The following CLPTM1L variants were observed in gnomAD, a reference collection of about 807,000 sequenced individuals.
CLPTM1L encodes the protein lipid scramblase CLPTM1L.
Under a neutral mutation model 70.9 loss-of-function variants are expected in CLPTM1L, and 38 were observed. The ratio of observed to expected loss-of-function variants is 0.54; its 90% CI spans 0.41 to 0.70. The LOEUF is 0.70. Among genes scored for constraint, CLPTM1L ranks in the 30% least tolerant of loss-of-function variants. CLPTM1L has a pLI of 0.00. For missense variants in CLPTM1L, 652 were observed against 705.9 expected, an observed-to-expected ratio of 0.92 and a Z score of 0.87; for synonymous variants, 339 against 299.9, an observed-to-expected ratio of 1.13 and a Z score of -1.35.
rs1318993026 is a variant in CLPTM1L, at chr5:1,324,833, A to G, written c.1147-20T>C. On this transcript the variant is annotated intron_variant, in intron 10 of 16. Coordinates refer to ENST00000320895, the MANE Select transcript of CLPTM1L (RefSeq NM_030782.5). ...GCCAAACTGTTGTGAAATTCAACAC[A>G]GTGATATTAATAGACTCAGGGAGGA... The G allele has an allele frequency of 1.9e-6, 3 of 1,610,180 alleles. No homozygotes were observed. The highest frequency in any genetic ancestry group is 2.2e-5 in the East Asian group (1 of 44,876).
intron 16 of CLPTM1L, 44 bp downstream of exon 16, chr5:1,320,572 C>T: frequency 8.9e-7 from 1 of 1,119,688 alleles, no homozygotes; most frequent in Non-Finnish European, 1.3e-6. Context: ...AGCAGCCACG[C>T]CGCTGAGACG....
At chr5:1,325,330 G>A (rs1240425048) in intron 10 of CLPTM1L, 1 of 254,042 alleles carries the variant, frequency 3.9e-6, no homozygotes, top group East Asian at 8.5e-5. Flanking sequence ...CATCTGCCTA[G>A]GGGCCTTATG....
At chr5:1,337,721 A>G (rs375194451) in intron 5 of CLPTM1L, among the ~76,000 whole-genome samples, 183 bp downstream of exon 5, 88 of 152,328 alleles carry the variant, frequency 5.8e-4, no homozygotes, top group African/African-American at 2.0e-3. Context: ...CAAACCCAGC[A>G]CACCACCAGG....
intron 9 of CLPTM1L, among the ~76,000 whole-genome samples, chr5:1,328,961 A>G (rs1467314321): frequency 1.3e-5 from 2 of 151,832 alleles, no homozygotes; most frequent in African/African-American, 2.4e-5. Context: ...CTCCTCCTCT[A>G]CAGACACATT....
chr5:1,322,740 C>T (rs1030050005), intron 13 of CLPTM1L, 137 bp downstream of exon 13: 2 of 873,246 alleles, frequency 2.3e-6, no homozygotes, highest in Non-Finnish European at 3.9e-6. Flanking sequence ...GGGCACCGCA[C>T]ATGTGCCAGA....
chr5:1,321,709 C>T, intron 14 of CLPTM1L, 30 bp from the exon 15 acceptor site: 2 of 1,613,990 alleles, frequency 1.2e-6, no homozygotes, highest in Non-Finnish European at 1.7e-6. Context: ...CCCAGGTCAG[C>T]TGTGGGCAGC....
At position 1,342,436 on chromosome 5, in the gene CLPTM1L, A is replaced by T. The variant is rs1302658998; in HGVS notation, c.264-576T>A. ...TCCTGACTGTGTGGCATCCAGCACG[A>T]GCTGAGGAAAGGCCCGGCGAGCTGC... On this transcript the variant is annotated intron_variant, in intron 2 of 16. Coordinates refer to ENST00000320895, the MANE Select transcript of CLPTM1L (RefSeq NM_030782.5). The surrounding 1 kb of genome is among the most constrained non-coding windows in gnomAD (Gnocchi z 4.3). Among the ~76,000 whole-genome samples, 1 of 152,164 alleles carries T rather than the reference A, an allele frequency of 6.6e-6. No individual in the cohort carries two copies. The highest frequency in any genetic ancestry group is 2.4e-5 in the African/African-American group (1 of 41,444).
At chr5:1,330,190 G>T in intron 9 of CLPTM1L, 90 bp downstream of exon 9, 1 of 1,028,430 alleles carries the variant, frequency 9.7e-7, no homozygotes, top group Non-Finnish European at 1.5e-6. Context: ...GGCTTCCACA[G>T]AAGGTCTCAG....
At chr5:1,328,860 CCAG>C (rs1561237437) in intron 9 of CLPTM1L, among the ~76,000 whole-genome samples, 1 of 146,202 alleles carries the variant, frequency 6.8e-6, no homozygotes, top group African/African-American at 2.5e-5. Flanking sequence ...CACATTTCAT[CCAG>C]CTCCTCCTCT....
chr5:1,323,675 C>G lies in CLPTM1L; in HGVS notation c.1280+112G>C. 4.9e-6 allele frequency: 4 copies of G among 821,876 alleles called. No individual in the cohort carries two copies. The South Asian group carries it at 6.2e-5, about 13-fold the overall frequency. 50.9% of individuals were successfully genotyped at this position (821,876 alleles called of 1,614,324 possible). A position where few individuals can be genotyped will look rare whatever the true frequency, so the allele number is the denominator to read the frequency against. ...GCAGGACCCCTCCCAGGCGCTGGCC[C>G]AAGTGCCCCGGCCCCGAGTTTGCCC... On this transcript the variant is annotated intron_variant, in intron 12 of 16. Coordinates refer to ENST00000320895, the MANE Select transcript of CLPTM1L (RefSeq NM_030782.5).
chr5:1,332,863 T>A (rs1173748859), intron 7 of CLPTM1L, among the ~76,000 whole-genome samples: 3 of 152,332 alleles, frequency 2.0e-5, no homozygotes, highest in South Asian at 2.1e-4. Flanking sequence ...TATTCAGACA[T>A]CCAATGAGGG....
In CLPTM1L at chr5:1,318,183, G is replaced by C; in HGVS notation, c.*186C>G. On this transcript the variant is annotated 3_prime_UTR_variant, in exon 17 of 17. Coordinates refer to ENST00000320895, the MANE Select transcript of CLPTM1L (RefSeq NM_030782.5). The surrounding 1 kb of genome is among the most constrained non-coding windows in gnomAD (Gnocchi z 8.9). ...CTGTGACCAAGACAGATGTTCACAC[G>C]TGGGGGCATCGTAAGCGCTACCAGC... is the stretch of plus-strand genomic sequence containing the variant. The C allele has an allele frequency of 1.7e-6, 1 of 601,276 alleles. No individual in the cohort carries two copies. The highest frequency in any genetic ancestry group is 2.8e-5 in the East Asian group (1 of 35,850). 37.2% of individuals were successfully genotyped at this position (601,276 alleles called of 1,614,324 possible). A position where few individuals can be genotyped will look rare whatever the true frequency, so the allele number is the denominator to read the frequency against.
chr5:1,341,567 C>T (rs1207867674), intron 3 of CLPTM1L, 104 bp downstream of exon 3: 2 of 1,005,440 alleles, frequency 2.0e-6, no homozygotes, highest in African/African-American at 1.6e-5. Context: ...TTACTCCCAA[C>T]AAAGTCACTG....
chr5:1,321,020 C>T (rs1752118966), intron 15 of CLPTM1L, among the ~76,000 whole-genome samples: 5 of 152,188 alleles, frequency 3.3e-5, no homozygotes, highest in Admixed American at 3.3e-4. Flanking sequence ...GCTGGAGCCG[C>T]CCGAGACAGA....
chr5:1,344,698 C>T lies in CLPTM1L; in HGVS notation c.144G>A (p.Ala48=). 6.4e-7 allele frequency: 1 copy of T among 1,570,750 alleles called. No individual in the cohort carries two copies. The change falls in exon 1 of 17, where the codon GCG becomes GCA. Residue 48 remains alanine (A), a synonymous_variant. Transcript: ENST00000320895. The stretch of plus-strand genomic sequence containing the variant: ...CGCTCACCTGCAGCTTGGGCCGCCG[C>T]GCCAGGTAGGGCTGGATGCAGTTGG... ...GDANCIQPYL[A]RRPKLQLSVY... is the part of the protein sequence containing the mutation.
rs988511004 is a variant in CLPTM1L at position 1,344,907 on chromosome 5, C to A, written c.-66G>T. The A allele has an allele frequency of 7.1e-5, 65 of 921,322 alleles. No individual in the cohort carries two copies. The highest frequency in any genetic ancestry group is 8.2e-5 in the Non-Finnish European group (63 of 770,282). The allele number at this position is 921,322 out of a possible 1,614,324, so 57.1% of individuals were successfully genotyped here. A position where few individuals can be genotyped will look rare whatever the true frequency, so the allele number is the denominator to read the frequency against. On this transcript the variant is annotated 5_prime_UTR_variant, in exon 1 of 17. Coordinates refer to ENST00000320895, the MANE Select transcript of CLPTM1L (RefSeq NM_030782.5). ...AGCCGCGAGCCCCGCCCGCCCGGCGCCCAGCCCGCCGCTCCGGGCTCCGCC... is the reference window on the plus strand; with the variant it reads ...AGCCGCGAGCCCCGCCCGCCCGGCGACCAGCCCGCCGCTCCGGGCTCCGCC...
At position 1,321,696 on chromosome 5, in the gene CLPTM1L, A is replaced by G; in HGVS notation, c.1372-17T>C. The G allele has an allele frequency of 6.2e-7, 1 of 1,613,978 alleles. No homozygotes were observed. The highest frequency in any genetic ancestry group is 2.2e-5 in the East Asian group (1 of 44,878). On this transcript the variant is annotated splice_polypyrimidine_tract_variant and intron_variant, in intron 14 of 16. Transcript: ENST00000320895. ...TGACTTCAACTGAAACAGGAGAGAC[A>G]GGCCCAGGTCAGCTGTGGGCAGCAC...
chr5:1,333,930 G>T lies in CLPTM1L; in HGVS notation c.891+359C>A, dbSNP rs146558103. On this transcript the variant is annotated intron_variant, in intron 7 of 16. Transcript: ENST00000320895. ...AGCTCCGCCCCTGGCTCTGCATGGG[G>T]TCGGGGCCTGGGCAGGGGAGAGTGA... Among the ~76,000 whole-genome samples, 597 of 152,224 alleles carry T rather than the reference G, an allele frequency of 3.9e-3. 4 individuals are homozygous for T. The highest frequency in any genetic ancestry group is 0.013 in the African/African-American group (540 of 41,510).
chr5:1,321,773 C>T lies in CLPTM1L; in HGVS notation c.1362G>A (p.Val454=). Residue 454 remains valine (V), a synonymous_variant, in exon 14 of 17, where the codon GTG becomes GTA. Coordinates refer to ENST00000320895, the MANE Select transcript of CLPTM1L (RefSeq NM_030782.5). ...GFLFMLPQLF[V]NYKLKSVAHL... ...GCACACACCGCCTTACCTTGTAGTT[C>T]ACAAAGAGCTGGGGCAGCATGAAGA... 1 of 1,614,040 alleles carries T rather than the reference C, an allele frequency of 6.2e-7. No individual in the cohort carries two copies. The highest frequency in any genetic ancestry group is 8.5e-7 in the Non-Finnish European group (1 of 1,179,976).
Sources: gnomAD v4.1 joint callset for allele counts (sites outside exome capture counted in the v4.1 genomes callset) on GRCh38, gnomAD v4.1.1 for gene constraint, Gnocchi (gnomAD v3.1) non-coding constraint, MANE v1.5 for transcripts, NCBI Gene and HGNC (gene_info 2026-07-23, HGNC 2026-07-21) for gene names.